Variants in TSGA10IP observed in about 807,000 individuals in gnomAD.
TSGA10IP encodes testis-specific protein 10-interacting protein.
A neutral mutation model predicts 63.2 loss-of-function variants in TSGA10IP; 64 were observed. The ratio of observed to expected loss-of-function variants is 1.01; its 90% confidence interval spans 0.83 to 1.25. The LOEUF (loss-of-function observed/expected upper bound fraction) is 1.25, where lower values mean the gene tolerates loss of function less well. TSGA10IP is among the 50% of genes most tolerant of loss of function. The pLI, the probability that TSGA10IP is intolerant of heterozygous loss-of-function variation, is 0.00. For missense variants in TSGA10IP, 681 were observed against 710.1 expected, an observed-to-expected ratio of 0.96 and a Z score of 0.47; for synonymous variants, 316 against 298.3, an observed-to-expected ratio of 1.06 and a Z score of -0.61.
At chr11:65,957,235 C>T (rs893024813) in intron 5 of TSGA10IP, among the ~76,000 whole-genome samples, 116 of 152,150 alleles carry the variant, frequency 7.6e-4, no homozygotes, top group African/African-American at 2.6e-3. Context: ...ACCATAACCT[C>T]CAACTCCCCA....
At chr11:65,948,931 C>T (rs1014725751) in intron 4 of TSGA10IP, among the ~76,000 whole-genome samples, 1 of 151,996 alleles carries the variant, frequency 6.6e-6, no homozygotes, top group African/African-American at 2.4e-5. Flanking sequence ...GCTGAGATTG[C>T]AGCACTGCAC....
rs140281621 is a variant in TSGA10IP, at chr11:65,947,943, G to A, written c.1004-58G>A. On this transcript the variant is annotated intron_variant, in intron 3 of 7. Coordinates refer to ENST00000532620, the Ensembl canonical transcript of TSGA10IP. ...GGCTGTGCTCTGGGTGCTGGGGGGC[G>A]TTGCCTGGTGGGCTGAGAGGGAGAG... 2,496 of 1,526,780 alleles carry A rather than the reference G, an allele frequency of 1.6e-3. 45 individuals are homozygous for A. The African/African-American group carries it at 0.029, about 18-fold the overall frequency. The allele number at this position is 1,526,780 out of a possible 1,614,324, so 94.6% of individuals were successfully genotyped here.
chr11:65,957,253 C>T (rs1855040090), intron 5 of TSGA10IP, among the ~76,000 whole-genome samples: 2 of 151,936 alleles, frequency 1.3e-5, no homozygotes, highest in African/African-American at 2.4e-5. Context: ...CCAGTTCAGA[C>T]GATTCTCCTG....
chr11:65,955,099 A>G (rs1015793884), intron 5 of TSGA10IP, among the ~76,000 whole-genome samples: 5 of 152,224 alleles, frequency 3.3e-5, no homozygotes, highest in African/African-American at 1.2e-4. Context: ...CCTTGAGCCT[A>G]GCTGTGTATG....
At chr11:65,951,601 G>A (rs1015853477) in intron 4 of TSGA10IP, among the ~76,000 whole-genome samples, 3 of 150,954 alleles carry the variant, frequency 2.0e-5, no homozygotes, top group Non-Finnish European at 4.4e-5. Flanking sequence ...GCAGTGCCAC[G>A]ATCATAGCTC....
chr11:65,953,023 T>C (rs373756491), intron 4 of TSGA10IP, among the ~76,000 whole-genome samples: 1 of 149,616 alleles, frequency 6.7e-6, no homozygotes, highest in Non-Finnish European at 1.5e-5. Context: ...TTCTTTTTTC[T>C]TTCTTTCTTT....
At chr11:65,945,958 A>T in intron 1 of TSGA10IP, 136 bp downstream of exon 1, 3 of 1,036,708 alleles carry the variant, frequency 2.9e-6, no homozygotes, top group Admixed American at 2.5e-5. Context: ...CAGGAGTGGG[A>T]CAGGGACCAC....
intron 5 of TSGA10IP, among the ~76,000 whole-genome samples, chr11:65,958,170 C>G (rs924430988): frequency 6.6e-6 from 1 of 152,156 alleles, no homozygotes; most frequent in Non-Finnish European, 1.5e-5. Context: ...GTCTCAAACT[C>G]TTGGGCTCAA....
intron 5 of TSGA10IP, among the ~76,000 whole-genome samples, chr11:65,954,332 A>ATTT (rs35473847): frequency 3.5e-5 from 5 of 142,232 alleles, no homozygotes; most frequent in Non-Finnish European, 6.1e-5. Context: ...CGCCCGGCTA[A>ATTT]TTTTTTTTTT....
At chr11:65,953,506 G>T in intron 4 of TSGA10IP, 61 bp from the exon 5 acceptor site, 3 of 1,485,210 alleles carry the variant, frequency 2.0e-6, no homozygotes, top group Non-Finnish European at 1.8e-6. Flanking sequence ...CCAGCCCCTG[G>T]CCCTCCGTGA....
At chr11:65,953,595 C>T (rs748716204) in exon 5 of TSGA10IP, 7 of 1,589,394 alleles carry the variant, frequency 4.4e-6, no homozygotes, top group South Asian at 2.2e-5. Context: ...GGAGCGGCAG[C>T]GGCAGGAGGA....
intron 5 of TSGA10IP, among the ~76,000 whole-genome samples, chr11:65,955,769 C>T (rs985209345): frequency 3.3e-5 from 5 of 152,128 alleles, no homozygotes; most frequent in African/African-American, 4.8e-5. Flanking sequence ...ATAACCCCAC[C>T]GGTGAGGAAC....
intron 4 of TSGA10IP, among the ~76,000 whole-genome samples, chr11:65,951,568 C>T (rs1348758032): frequency 2.8e-5 from 3 of 108,592 alleles, no homozygotes; most frequent in South Asian, 2.8e-4. Flanking sequence ...GATGGAGTCT[C>T]GCTCTGTCGC....
exon 3 of TSGA10IP, chr11:65,947,800 C>G: frequency 6.4e-7 from 1 of 1,571,094 alleles, no homozygotes; most frequent in Non-Finnish European, 8.6e-7. Context: ...AGAAGCTGCA[C>G]AGGCAGCTAC....
chr11:65,948,066 G>T, exon 4 of TSGA10IP: 1 of 1,585,280 alleles, frequency 6.3e-7, no homozygotes, highest in Non-Finnish European at 8.6e-7. Flanking sequence ...GAATGGAAAG[G>T]CCTATGCCTC....
At chr11:65,946,425 GT>G (rs200216342) in intron 1 of TSGA10IP, among the ~76,000 whole-genome samples, 3 of 151,798 alleles carry the variant, frequency 2.0e-5, no homozygotes, top group African/African-American at 4.8e-5. Flanking sequence ...GCTCGGTCGG[GT>G]TTTTTTGTTT....
intron 5 of TSGA10IP, among the ~76,000 whole-genome samples, chr11:65,956,402 G>A (rs549337068): frequency 6.6e-6 from 1 of 152,216 alleles, no homozygotes; most frequent in African/African-American, 2.4e-5. Context: ...CTCCCAAAGT[G>A]CTAGGATTAC....
chr11:65,959,847 G>C (rs994690077), exon 8 of TSGA10IP: 5 of 1,583,566 alleles, frequency 3.2e-6, no homozygotes, highest in Non-Finnish European at 4.3e-6. Flanking sequence ...TGAGAATGGA[G>C]CACTCTCCTC....
At chr11:65,954,188 C>T (rs1372718542) in intron 5 of TSGA10IP, among the ~76,000 whole-genome samples, 16 of 146,798 alleles carry the variant, frequency 1.1e-4, no homozygotes, top group African/African-American at 3.5e-4. Context: ...TTTTTTGAGA[C>T]GGAGTCTCGC....
Sources: gnomAD v4.1 joint callset for allele counts (sites outside exome capture counted in the v4.1 genomes callset) on GRCh38, gnomAD v4.1.1 for gene constraint, MANE v1.5 for transcripts, NCBI Gene and HGNC (gene_info 2026-07-23, HGNC 2026-07-21) for gene names.